Variants in IGFBP4 observed in about 807,000 individuals in gnomAD.
IGFBP4 encodes insulin like growth factor binding protein 4, also known as insulin-like growth factor-binding protein 4.
Under a neutral mutation model 25.8 loss-of-function variants are expected in IGFBP4, and 9 were observed. The observed-to-expected ratio is 0.35, with a 90% confidence interval of 0.21 to 0.61. The LOEUF is 0.61. Ranked by LOEUF, IGFBP4 falls within the 20% of genes least tolerant of loss-of-function variation. IGFBP4 has a pLI of 0.77. For synonymous variants in IGFBP4, 153 were observed against 153.9 expected (o/e 0.99, Z 0.05); for missense variants, 315 against 365.3 (o/e 0.86, Z 1.12).
At chr17:40,444,942 G>C (rs951891339) in intron 1 of IGFBP4, among the ~76,000 whole-genome samples, 4,211 of 64,308 alleles carry the variant, frequency 0.065, 112 homozygotes, top group Non-Finnish European at 0.076. Context: ...CAGAGAGAGA[G>C]AGAGAGAGAG....
chr17:40,443,888 G>A lies in IGFBP4; in HGVS notation c.153G>A (p.Pro51=), dbSNP rs1490491699. The A allele has an allele frequency of 6.5e-7, 1 of 1,530,298 alleles. No individual in the cohort carries two copies. The highest frequency in any genetic ancestry group is 2.0e-5 in the Admixed American group (1 of 50,484). 94.8% of individuals were successfully genotyped at this position (1,530,298 alleles called of 1,614,324 possible). Residue 51 remains proline (P), a synonymous_variant, in exon 1 of 4, where the codon CCG becomes CCA. Transcript: ENST00000269593. ...PVGCEELVRE[P]GCGCCATCAL... Reference sequence around the variant, plus strand: ...GCTGCGAGGAGCTGGTGCGAGAGCCGGGCTGCGGCTGTTGCGCCACTTGCG... The same window carrying A: ...GCTGCGAGGAGCTGGTGCGAGAGCCAGGCTGCGGCTGTTGCGCCACTTGCG...
rs554307985 is a variant in IGFBP4 at position 40,454,047 on chromosome 17, C to T, written c.627C>T (p.Asn209=). ...TCCCCAACTGCGACCGCAACGGCAA[C>T]TTCCACCCCAAGCAGGTGGGTCTCT... ...IPIPNCDRNG[N]FHPKQCHPAL... Residue 209 remains asparagine (N), a synonymous_variant, in exon 3 of 4, where the codon AAC becomes AAT. Transcript: ENST00000269593. The T allele has an allele frequency of 3.7e-6, 6 of 1,612,508 alleles. No homozygotes were observed. The East Asian group carries it at 9.0e-5, about 24-fold the overall frequency.
chr17:40,452,826 G>A (rs1173281128), intron 1 of IGFBP4, among the ~76,000 whole-genome samples, 159 bp from the exon 2 acceptor site: 1 of 152,018 alleles, frequency 6.6e-6, no homozygotes, highest in Non-Finnish European at 1.5e-5. Flanking sequence ...GAGGAGGTAG[G>A]GGGCTGCTCT....
chr17:40,453,002 C>T lies in IGFBP4; in HGVS notation c.367C>T (p.His123Tyr). The T allele has an allele frequency of 6.4e-7, 1 of 1,557,414 alleles. No homozygotes were observed. The highest frequency in any genetic ancestry group is 8.7e-7 in the Non-Finnish European group (1 of 1,148,558). Residue 123 changes from histidine to tyrosine, a missense_variant, in exon 2 of 4, where the codon CAC (histidine) becomes TAC (tyrosine). By Grantham distance (83) the His-to-Tyr change is moderately conservative. Transcript: ENST00000269593. This position sits in a 1 kb window ranked among gnomAD's most constrained non-coding sequence, Gnocchi z 4.0. ...GAATACAGACAAGGACGAGGGTGAC[C>T]ACCCCAACAACAGCTTCAGCCCCTG... is the stretch of plus-strand genomic sequence containing the variant. ...LQPSDKDEGD[H>Y]PNNSFSPCSA...
rs779604542 is a variant in IGFBP4 at position 40,453,068 on chromosome 17, A to G, written c.433A>G (p.Lys145Glu). 6.2e-7 allele frequency: 1 copy of G among 1,601,818 alleles called. No individual in the cohort carries two copies. The highest frequency in any genetic ancestry group is 1.1e-5 in the South Asian group (1 of 88,504). ...CAGGTGCCTGCAGAAGCACTTCGCC[A>G]AAATTCGAGACCGGAGCACCAGTGG... ...DRRCLQKHFAKIRDRSTSGGK... is the reference protein window; with the variant it reads ...DRRCLQKHFAEIRDRSTSGGK... Residue 145 changes from lysine to glutamate, a missense_variant, in exon 2 of 4, where the codon AAA becomes GAA. By Grantham distance (56) the Lys-to-Glu change is moderately conservative. Transcript: ENST00000269593. The surrounding 1 kb of genome is among the most constrained non-coding windows in gnomAD (Gnocchi z 4.0).
chr17:40,444,195 G>A, intron 1 of IGFBP4, 111 bp downstream of exon 1: 2 of 800,960 alleles, frequency 2.5e-6, no homozygotes, highest in Non-Finnish European at 2.0e-6. Context: ...ATGAGTTGAA[G>A]AGAAGGCAGG....
At chr17:40,445,059 C>T (rs764183045) in intron 1 of IGFBP4, among the ~76,000 whole-genome samples, 3 of 151,926 alleles carry the variant, frequency 2.0e-5, no homozygotes, top group Admixed American at 6.6e-5. Context: ...CTTAGACTCT[C>T]AGTCTCTTTT....
In IGFBP4 at chr17:40,443,758, C is replaced by T. The variant is rs1458723681; in HGVS notation, c.23C>T (p.Ala8Val). Residue 8 changes from alanine (A) to valine (V), a missense_variant, in exon 1 of 4, where the codon GCC becomes GTC. By Grantham distance (64) the Ala-to-Val change is moderately conservative. Coordinates refer to ENST00000269593, the MANE Select transcript of IGFBP4 (RefSeq NM_001552.3). Reference protein sequence around the residue: MLPLCLVAALLLAAGPGP... With the variant: MLPLCLVVALLLAAGPGP... ...GTCATGCTGCCCCTCTGCCTCGTGG[C>T]CGCCCTGCTGCTGGCCGCCGGGCCC... is the stretch of plus-strand genomic sequence containing the variant. 24 of 1,497,934 alleles carry T rather than the reference C, an allele frequency of 1.6e-5. No homozygotes were observed. Among genetic ancestry groups the T allele is most frequent in the Non-Finnish European group, 2.0e-5 (23 of 1,132,362 alleles). The allele number at this position is 1,497,934 out of a possible 1,614,324, so 92.8% of individuals were successfully genotyped here.
chr17:40,444,937 AGAGAGAG>A (rs1245321741), intron 1 of IGFBP4, among the ~76,000 whole-genome samples: 1 of 24,846 alleles, frequency 4.0e-5, no homozygotes, highest in Non-Finnish European at 9.7e-5. Context: ...AGAGACAGAG[AGAGAGAG>A]AGAGAGAGAG....
Position 40,453,218 on chromosome 17 carries a change from G to C in IGFBP4, c.507+76G>C. The C allele has an allele frequency of 9.1e-7, 1 of 1,104,354 alleles. No homozygotes were observed. The highest frequency in any genetic ancestry group is 1.2e-6 in the Non-Finnish European group (1 of 816,338). The allele number at this position is 1,104,354 out of a possible 1,614,324, so 68.4% of individuals were successfully genotyped here. A position where few individuals can be genotyped will look rare whatever the true frequency, so the allele number is the denominator to read the frequency against. On this transcript the variant is annotated intron_variant, in intron 2 of 3. Coordinates refer to ENST00000269593, the MANE Select transcript of IGFBP4 (RefSeq NM_001552.3). The surrounding 1 kb of genome is among the most constrained non-coding windows in gnomAD (Gnocchi z 4.0). ...CATGCCCCCTGCCCCCCACATGCACGCACCCACACACACCATCACCACCAG... is the reference window on the plus strand; with the variant it reads ...CATGCCCCCTGCCCCCCACATGCACCCACCCACACACACCATCACCACCAG...
At chr17:40,445,803 C>T (rs541183580) in intron 1 of IGFBP4, among the ~76,000 whole-genome samples, 1 of 152,236 alleles carries the variant, frequency 6.6e-6, no homozygotes, top group African/African-American at 2.4e-5. Context: ...CCCTTTGAAT[C>T]TCCATCCTCC....
chr17:40,444,330 G>T (rs2035628622), intron 1 of IGFBP4, among the ~76,000 whole-genome samples: 1 of 152,212 alleles, frequency 6.6e-6, no homozygotes, highest in African/African-American at 2.4e-5. Context: ...TCCAAGGGTT[G>T]TCTGTTTGAT....
At chr17:40,449,312 T>C (rs2035668140) in intron 1 of IGFBP4, among the ~76,000 whole-genome samples, 1 of 152,172 alleles carries the variant, frequency 6.6e-6, no homozygotes, top group African/African-American at 2.4e-5. Context: ...GGGTTAGTTA[T>C]TTGTGAACTT....
chr17:40,445,850 C>T (rs141559561), intron 1 of IGFBP4, among the ~76,000 whole-genome samples: 2 of 152,226 alleles, frequency 1.3e-5, no homozygotes, highest in East Asian at 3.9e-4. Flanking sequence ...ATAAGGATGG[C>T]TGGTAGCCTC....
Position 40,453,183 on chromosome 17 carries a change from C to CACAT in IGFBP4, c.507+44_507+45insTACA, listed in dbSNP as rs1197018043. The CACAT allele has an allele frequency of 1.3e-5, 19 of 1,408,496 alleles. No individual in the cohort carries two copies. The highest frequency in any genetic ancestry group is 3.7e-4 in the Middle Eastern group (2 of 5,354). The allele number at this position is 1,408,496 out of a possible 1,614,324, so 87.2% of individuals were successfully genotyped here. On this transcript the variant is annotated intron_variant, in intron 2 of 3. Transcript: ENST00000269593. The surrounding 1 kb of genome is among the most constrained non-coding windows in gnomAD (Gnocchi z 4.0). ...GCACAAATGTGCATGTGCATAGACA[C>CACAT]ACACACACACATGCCCCCTGCCCCC...
Position 40,444,070 on chromosome 17 carries a change from G to C in IGFBP4, c.335G>C (p.Ser112Thr), listed in dbSNP as rs1022859902. Reference sequence around the variant, plus strand: ...GCGGAGATCGAGGCCATCCAGGAAAGCCTGCAGCCCTCTGGTAAGGTACCC... The same window carrying C: ...GCGGAGATCGAGGCCATCCAGGAAACCCTGCAGCCCTCTGGTAAGGTACCC... ...ELAEIEAIQE[S>T]LQPSDKDEGD... Residue 112 changes from serine to threonine, a missense_variant, in exon 1 of 4, where the codon AGC becomes ACC. Transcript: ENST00000269593. 46 of 1,537,126 alleles carry C rather than the reference G, an allele frequency of 3.0e-5. No individual in the cohort carries two copies. Among genetic ancestry groups the C allele is most frequent in the Non-Finnish European group, 2.9e-5 (33 of 1,147,136 alleles).
At chr17:40,449,622 G>A (rs960790506) in intron 1 of IGFBP4, among the ~76,000 whole-genome samples, 3 of 152,008 alleles carry the variant, frequency 2.0e-5, no homozygotes, top group Non-Finnish European at 2.9e-5. Context: ...GGTAGCGGGC[G>A]CCTGTAGTCC....
In IGFBP4 at chr17:40,444,918, CACACACACAGAGACAGAGAGAGAGAG is replaced by C. The variant is rs1338335224; in HGVS notation, c.349+836_349+861del. ...ACACACACACACACACACACACACA[CACACACACAGAGACAGAGAGAGAGAG>C]AGAGAGAGAGAGAGAGAGAGAGAGA... On this transcript the variant is annotated intron_variant, in intron 1 of 3. Coordinates refer to ENST00000269593, the MANE Select transcript of IGFBP4 (RefSeq NM_001552.3). Among the ~76,000 whole-genome samples the C allele has an allele frequency of 6.8e-4, 57 of 84,232 alleles. 1 individual carries two copies. The highest frequency in any genetic ancestry group is 6.1e-3 in the East Asian group (17 of 2,806). 55.3% of individuals were successfully genotyped at this position (84,232 alleles called of 152,430 possible).
At chr17:40,445,227 C>T (rs1039568992) in intron 1 of IGFBP4, among the ~76,000 whole-genome samples, 1 of 152,140 alleles carries the variant, frequency 6.6e-6, no homozygotes, top group Non-Finnish European at 1.5e-5. Context: ...CTCTGCTTCT[C>T]TCCCTCTCTT....
Sources: gnomAD v4.1 joint callset for allele counts (sites outside exome capture counted in the v4.1 genomes callset) on GRCh38, gnomAD v4.1.1 for gene constraint, Gnocchi (gnomAD v3.1) non-coding constraint, MANE v1.5 for transcripts, NCBI Gene and HGNC (gene_info 2026-07-23, HGNC 2026-07-21) for gene names.